The following CDH13 variants were observed in gnomAD, a reference collection of about 807,000 sequenced individuals.
CDH13 encodes the protein cadherin 13, also known as cadherin-13.
Under a neutral mutation model 63.8 loss-of-function variants are expected in CDH13, and 24 were observed. That is an observed-to-expected ratio of 0.38 (90% CI 0.27 to 0.53). The LOEUF (loss-of-function observed/expected upper bound fraction) is 0.53. Ranked by LOEUF, CDH13 falls within the 20% of genes least tolerant of loss-of-function variation. CDH13 has a pLI of 0.85. For synonymous variants in CDH13, 503 were observed against 355.3 expected (o/e 1.42, Z -4.67); for missense variants, 1,049 against 903.1 (o/e 1.16, Z -2.07).
intron 6 of CDH13, chr16:83,382,908 C>T (rs1042392831): frequency 7.2e-5 from 11 of 152,212 alleles, no homozygotes; most frequent in African/African-American, 2.7e-4. Context: ...TTGGTATTGA[C>T]ATCTAGGGCT....
At chr16:83,510,716 G>C (rs1462803850) in intron 7 of CDH13, among the ~76,000 whole-genome samples, 2 of 152,166 alleles carry the variant, frequency 1.3e-5, no homozygotes, top group African/African-American at 2.4e-5. Context: ...CTTCTAGATA[G>C]AGCCAAACTG....
At chr16:82,635,611 T>A (rs756452964) in intron 1 of CDH13, among the ~76,000 whole-genome samples, 1 of 152,164 alleles carries the variant, frequency 6.6e-6, no homozygotes. Context: ...GCAAATGGGT[T>A]GGAGCTGGGT....
At chr16:83,530,948 G>A (rs1247115463) in intron 7 of CDH13, among the ~76,000 whole-genome samples, 1 of 152,198 alleles carries the variant, frequency 6.6e-6, no homozygotes, top group Non-Finnish European at 1.5e-5. Context: ...TTTTAGCTTT[G>A]TGACTTTCGC....
chr16:82,869,718 A>T (rs1038076760), intron 2 of CDH13, among the ~76,000 whole-genome samples: 3 of 152,190 alleles, frequency 2.0e-5, no homozygotes, highest in Admixed American at 1.3e-4. Flanking sequence ...TGCCAAGAAC[A>T]TACCTTGGGG....
intron 1 of CDH13, among the ~76,000 whole-genome samples, chr16:82,751,236 G>C (rs2034401383): frequency 6.6e-6 from 1 of 152,198 alleles, no homozygotes; most frequent in Non-Finnish European, 1.5e-5. Context: ...CAATTGCATA[G>C]GGCCCTGTGC....
chr16:83,448,213 A>G (rs12448382), intron 6 of CDH13, among the ~76,000 whole-genome samples: 78,942 of 151,918 alleles, frequency 0.52, 22,175 homozygotes, highest in African/African-American at 0.74. Context: ...TCTGGAGTGG[A>G]GCAGGAAATG....
rs369345856 is a variant in CDH13 at position 83,379,934 on chromosome 16, T to G, written c.781+34928T>G. Among the ~76,000 whole-genome samples the G allele has an allele frequency of 5.6e-3, 489 of 86,682 alleles. 2 individuals carry two copies. The highest frequency in any genetic ancestry group is 9.2e-3 in the Non-Finnish European group (368 of 39,936). The allele number at this position is 86,682 out of a possible 152,430, so 56.9% of individuals were successfully genotyped here. A position where few individuals can be genotyped will look rare whatever the true frequency, so the allele number is the denominator to read the frequency against. ...ATGTGTGTGTGTATATATATATATA[T>G]ATATAGAGAGAGAGAGAGAGAGAGA... On this transcript the variant is annotated intron_variant, in intron 6 of 13. Coordinates refer to ENST00000567109, the MANE Select transcript of CDH13 (RefSeq NM_001257.5).
In CDH13 at chr16:83,195,593, T is replaced by A. The variant is rs1268361742; in HGVS notation, c.484-21752T>A. Among the ~76,000 whole-genome samples, 3 of 152,036 alleles carry A rather than the reference T, an allele frequency of 2.0e-5. No homozygotes were observed. In the East Asian group the frequency reaches 5.8e-4, roughly 29 times the overall value. ...CACTAGGAGGGTGGTGCTAAACCACTAATGAGGAAACCCCCCGCCGTGATC... is the reference window on the plus strand; with the variant it reads ...CACTAGGAGGGTGGTGCTAAACCACAAATGAGGAAACCCCCCGCCGTGATC... On this transcript the variant is annotated intron_variant, in intron 4 of 13. Transcript: ENST00000567109.
intron 2 of CDH13, among the ~76,000 whole-genome samples, chr16:82,943,458 A>G (rs1356749244): frequency 6.6e-6 from 1 of 152,186 alleles, no homozygotes; most frequent in African/African-American, 2.4e-5. Context: ...ATATGACTCA[A>G]ATGGAAGAAG....
At chr16:82,813,353 C>A (rs2037542714) in intron 1 of CDH13, among the ~76,000 whole-genome samples, 1 of 152,174 alleles carries the variant, frequency 6.6e-6, no homozygotes, top group Non-Finnish European at 1.5e-5. Context: ...AGTATCTCTG[C>A]AGCTGCTGCA....
intron 4 of CDH13, among the ~76,000 whole-genome samples, chr16:83,217,026 T>C (rs931946372): frequency 6.6e-6 from 1 of 152,098 alleles, no homozygotes; most frequent in African/African-American, 2.4e-5. Context: ...TTGAAAAAAA[T>C]ATATTTCGTG....
At position 82,639,405 on chromosome 16, in the gene CDH13, T is replaced by G. The variant is rs780660253; in HGVS notation, c.45+12268T>G. ...CTGCATGGTTCCCCCAGCAAGAACATCCCAGTGAGAATGGCCCACAGATGC... is the reference window on the plus strand; with the variant it reads ...CTGCATGGTTCCCCCAGCAAGAACAGCCCAGTGAGAATGGCCCACAGATGC... On this transcript the variant is annotated intron_variant, in intron 1 of 13. Coordinates refer to ENST00000567109, the MANE Select transcript of CDH13 (RefSeq NM_001257.5). 3.3e-6 allele frequency: 5 copies of G among 1,535,576 alleles called. No homozygotes were observed. The South Asian group carries it at 5.9e-5, about 18-fold the overall frequency.
At chr16:82,950,807 CTTTTT>C (rs67534843) in intron 2 of CDH13, among the ~76,000 whole-genome samples, 3 of 132,118 alleles carry the variant, frequency 2.3e-5, no homozygotes, top group Admixed American at 7.7e-5. Context: ...ACTCCCACAT[CTTTTT>C]TTTTTTTTTT....
chr16:82,954,394 G>GTGAC (rs918401516), intron 2 of CDH13: 11 of 152,100 alleles, frequency 7.2e-5, no homozygotes, highest in Non-Finnish European at 1.6e-4. Flanking sequence ...AAAGCCTCTG[G>GTGAC]TGACGCACAA....
chr16:83,484,040 C>T (rs184865766), intron 6 of CDH13, among the ~76,000 whole-genome samples: 3 of 152,162 alleles, frequency 2.0e-5, no homozygotes, highest in African/African-American at 7.2e-5. Context: ...AGGAAGTGCA[C>T]CTTGAAGCAT....
At chr16:83,074,902 C>G (rs761820032) in intron 3 of CDH13, among the ~76,000 whole-genome samples, 1 of 152,236 alleles carries the variant, frequency 6.6e-6, no homozygotes, top group Non-Finnish European at 1.5e-5. Context: ...AAAAGAGACC[C>G]TGTTGGTGTC....
chr16:83,420,331 A>G (rs960145161), intron 6 of CDH13, among the ~76,000 whole-genome samples: 2 of 152,188 alleles, frequency 1.3e-5, no homozygotes, highest in Non-Finnish European at 1.5e-5. Flanking sequence ...CAAATTTGGG[A>G]GATTCGAAGC....
chr16:83,704,504 C>T (rs182893565), intron 10 of CDH13, among the ~76,000 whole-genome samples: 2 of 152,100 alleles, frequency 1.3e-5, no homozygotes, highest in Admixed American at 6.6e-5. Flanking sequence ...ATCTGTATCT[C>T]AGAGCAGGCA....
chr16:83,090,725 G>C (rs2033865018), intron 3 of CDH13, among the ~76,000 whole-genome samples: 2 of 152,108 alleles, frequency 1.3e-5, no homozygotes, highest in East Asian at 1.9e-4. Context: ...ACGAGTTGGT[G>C]ATTAAACTTT....
Sources: allele counts gnomAD v4.1 joint callset (sites outside exome capture counted in the v4.1 genomes callset), GRCh38; gene constraint gnomAD v4.1.1; transcripts MANE v1.5; gene names NCBI Gene and HGNC (gene_info 2026-07-23, HGNC 2026-07-21).